The following CETP variants were observed in gnomAD, a reference collection of about 807,000 sequenced individuals.
CETP encodes BPI fold containing family F.
CETP carries 56 observed loss-of-function variants against 66.5 expected under a neutral mutation model. The ratio of observed to expected loss-of-function variants is 0.84; its 90% CI spans 0.68 to 1.05. The LOEUF is 1.05. Among genes scored for constraint, CETP ranks in the 50% least tolerant of loss-of-function variants. The pLI is 0.00. For missense variants in CETP, 612 were observed against 609.6 expected (o/e 1.00, Z -0.04); for synonymous variants, 251 against 245.7 (o/e 1.02, Z -0.20).
chr16:56,970,830 C>A (rs545963441), intron 5 of CETP, among the ~76,000 whole-genome samples: 3 of 152,148 alleles, frequency 2.0e-5, no homozygotes, highest in African/African-American at 7.2e-5. Flanking sequence ...TGGGCCCTCC[C>A]GAGGAATTCT....
Position 56,961,971 on chromosome 16 carries a change from CT to C in CETP, c.-8del, listed in dbSNP as rs763366096. On this transcript the variant is annotated 5_prime_UTR_variant, in exon 1 of 16. Transcript: ENST00000200676. ...GCTCGGGCCACTTACACACCACTGC[CT>C]GATAACCATGCTGGCTGCCACAGTC... 1 of 1,612,000 alleles carries C rather than the reference CT, an allele frequency of 6.2e-7. No individual in the cohort carries two copies. The highest frequency in any genetic ancestry group is 8.5e-7 in the Non-Finnish European group (1 of 1,178,184).
chr16:56,975,215 G>A (rs1428461428), intron 10 of CETP, 64 bp downstream of exon 10: 29 of 1,430,522 alleles, frequency 2.0e-5, no homozygotes, highest in Admixed American at 6.7e-5. Context: ...CTGGCTTCAA[G>A]AGCCCCCACA....
chr16:56,962,933 GGCCA>G, intron 1 of CETP, 73 bp from the exon 2 acceptor site: 1 of 1,317,622 alleles, frequency 7.6e-7, no homozygotes, highest in Non-Finnish European at 1.1e-6. Context: ...GCTGAGTCAT[GGCCA>G]AGGCCAGTTG....
In CETP at chr16:56,969,682, G is replaced by C. The variant is rs891649254; in HGVS notation, c.439+1G>C. Reference sequence around the variant, plus strand: ...GACCTCCAGATCAACACACAGCTGAGTATGTGTCAAGCGTCCTCTGGGGAA... The same window carrying C: ...GACCTCCAGATCAACACACAGCTGACTATGTGTCAAGCGTCCTCTGGGGAA... On this transcript the variant is annotated splice_donor_variant, in intron 4 of 15. Transcript: ENST00000200676. LOFTEE classifies it high-confidence loss of function. 6.2e-7 allele frequency: 1 copy of C among 1,613,800 alleles called. No homozygotes were observed. Among genetic ancestry groups the C allele is most frequent in the African/African-American group, 1.3e-5 (1 of 74,936 alleles).
At chr16:56,982,144 C>G in intron 13 of CETP, 21 bp from the exon 14 acceptor site, 1 of 1,613,122 alleles carries the variant, frequency 6.2e-7, no homozygotes, top group South Asian at 1.1e-5. Flanking sequence ...GGAGGACTCA[C>G]CATGGGCATT....
In CETP at chr16:56,983,794, C is replaced by A; in HGVS notation, c.*128C>A. On this transcript the variant is annotated 3_prime_UTR_variant, in exon 16 of 16. Transcript: ENST00000200676. ...GAGTACGGAGATGGAGATTGGCTCCCAACTCCTCCCTATCCTAAAGGCCCA... is the reference window on the plus strand; with the variant it reads ...GAGTACGGAGATGGAGATTGGCTCCAAACTCCTCCCTATCCTAAAGGCCCA... 1.2e-6 allele frequency: 1 copy of A among 851,000 alleles called. No individual in the cohort carries two copies. Among genetic ancestry groups the A allele is most frequent in the Non-Finnish European group, 2.0e-6 (1 of 499,020 alleles). The allele number at this position is 851,000 out of a possible 1,614,324, so 52.7% of individuals were successfully genotyped here.
chr16:56,981,051 G>A (rs2056183308), intron 11 of CETP, 107 bp from the exon 12 acceptor site: 5 of 844,062 alleles, frequency 5.9e-6, no homozygotes, highest in Admixed American at 1.7e-5. Context: ...TGTCATCCTT[G>A]CCTCTCCAGT....
chr16:56,969,573 G>T (rs1726310745), intron 3 of CETP, 38 bp from the exon 4 acceptor site: 3 of 1,614,112 alleles, frequency 1.9e-6, no homozygotes, highest in Admixed American at 1.7e-5. Context: ...CTGGGCTGGA[G>T]GGCTGAATGA....
chr16:56,963,382 C>T (rs2141991144), intron 2 of CETP, among the ~76,000 whole-genome samples: 1 of 152,278 alleles, frequency 6.6e-6, no homozygotes, highest in East Asian at 1.9e-4. Flanking sequence ...TCCCACTGCC[C>T]TGGGAAGATG....
intron 2 of CETP, among the ~76,000 whole-genome samples, chr16:56,967,118 C>T (rs1043973277): frequency 1.1e-4 from 17 of 151,404 alleles, no homozygotes; most frequent in African/African-American, 3.1e-4. Context: ...GAGGCCGAGG[C>T]GGGCAGATCA....
In CETP at chr16:56,982,387, T is replaced by G. The variant is rs927892289; in HGVS notation, c.1321+150T>G. Reference sequence around the variant, plus strand: ...TGGCCCCCTTTCCTCTCCCTGCTGGTGGTATTGCACGCCAATGACTCGGCC... The same window carrying G: ...TGGCCCCCTTTCCTCTCCCTGCTGGGGGTATTGCACGCCAATGACTCGGCC... On this transcript the variant is annotated intron_variant, in intron 14 of 15. Transcript: ENST00000200676. 1.7e-5 allele frequency: 13 copies of G among 782,536 alleles called. No homozygotes were observed. In the Admixed American group the frequency reaches 1.8e-4, roughly 11 times the overall value. The allele number at this position is 782,536 out of a possible 1,614,324, so 48.5% of individuals were successfully genotyped here. A position where few individuals can be genotyped will look rare whatever the true frequency, so the allele number is the denominator to read the frequency against.
intron 11 of CETP, among the ~76,000 whole-genome samples, chr16:56,979,953 T>C (rs2056176604): frequency 6.6e-6 from 1 of 152,274 alleles, no homozygotes; most frequent in Non-Finnish European, 1.5e-5. Context: ...CATTTCCTTC[T>C]GGTGCTTTGT....
chr16:56,965,031 C>T (rs549515160), intron 2 of CETP, among the ~76,000 whole-genome samples: 46 of 152,276 alleles, frequency 3.0e-4, no homozygotes, highest in East Asian at 1.9e-4. Flanking sequence ...GTCAAGGCTG[C>T]GGTGAGCTAT....
intron 11 of CETP, among the ~76,000 whole-genome samples, chr16:56,979,848 C>A (rs1305165830): frequency 6.6e-6 from 1 of 152,160 alleles, no homozygotes; most frequent in Non-Finnish European, 1.5e-5. Flanking sequence ...AAGAGCGATA[C>A]AATCACATTG....
rs148134355 is a variant in CETP at position 56,970,999 on chromosome 16, G to A, written c.528-34G>A. 3.8e-4 allele frequency: 609 copies of A among 1,610,830 alleles called. 3 individuals carry two copies. The African/African-American group carries it at 7.2e-3, about 19-fold the overall frequency. On this transcript the variant is annotated intron_variant, in intron 5 of 15. Transcript: ENST00000200676. ...GGCGCTCCATGGATGCACAGGACTG[G>A]TCAGGGGCTCATTGTGGTGCTTGCT...
At chr16:56,981,526 C>G in intron 12 of CETP, 121 bp from the exon 13 acceptor site, 3 of 1,217,796 alleles carry the variant, frequency 2.5e-6, no homozygotes, top group South Asian at 1.2e-5. Context: ...AAGAGAGTGC[C>G]CCAAAGGGCC....
chr16:56,978,028 G>T (rs2056161780), intron 10 of CETP, 63 bp from the exon 11 acceptor site: 2 of 1,591,612 alleles, frequency 1.3e-6, no homozygotes, highest in Non-Finnish European at 1.7e-6. Context: ...CATCTCCGAG[G>T]GCATGGACTG....
Position 56,963,136 on chromosome 16 carries a change from C to G in CETP, c.233+12C>G. On this transcript the variant is annotated intron_variant, in intron 2 of 15. Coordinates refer to ENST00000200676, the MANE Select transcript of CETP (RefSeq NM_000078.3). ...TATGGGTTGCACAAGTGAGTCGGGC[C>G]TCGGGTGTGACCAGGCTGGGGGTAG... 1 of 1,608,000 alleles carries G rather than the reference C, an allele frequency of 6.2e-7. No individual in the cohort carries two copies. The highest frequency in any genetic ancestry group is 8.5e-7 in the Non-Finnish European group (1 of 1,174,710).
Position 56,963,068 on chromosome 16 carries a change from TATCACGGGCGAGAAGGCCA to T in CETP, c.178_196del (p.Ile60Ter). On this transcript the variant is annotated frameshift_variant, in exon 2 of 16. Coordinates refer to ENST00000200676, the MANE Select transcript of CETP (RefSeq NM_000078.3). LOFTEE classifies it high-confidence loss of function. ...CCTTCCAGCGAGCCAGCTACCCAGA[TATCACGGGCGAGAAGGCCA>T]TGATGCTCCTTGGCCAAGTCAAGTA... The T allele has an allele frequency of 1.2e-6, 2 of 1,614,154 alleles. No homozygotes were observed. The highest frequency in any genetic ancestry group is 1.7e-6 in the Non-Finnish European group (2 of 1,180,004).
Sources: gnomAD v4.1 joint callset for allele counts (sites outside exome capture counted in the v4.1 genomes callset) on GRCh38, gnomAD v4.1.1 for gene constraint, MANE v1.5 for transcripts, NCBI Gene and HGNC (gene_info 2026-07-23, HGNC 2026-07-21) for gene names.